The following PRCP variants were observed in gnomAD, a reference collection of about 807,000 sequenced individuals.
PRCP encodes the protein lysosomal Pro-X carboxypeptidase.
In PRCP, 46 loss-of-function variants were observed where a neutral mutation model predicts 54.2. That is an observed-to-expected ratio of 0.85 (90% CI 0.67 to 1.09). The LOEUF (loss-of-function observed/expected upper bound fraction) is 1.09. Ranked by LOEUF, PRCP falls within the 50% of genes least tolerant of loss-of-function variation. The probability of loss-of-function intolerance (pLI) is 0.00; values close to 1 mark genes in which losing one functional copy is unlikely to be tolerated. For missense variants in PRCP, 613 were observed against 596.8 expected, an observed-to-expected ratio of 1.03 and a Z score of -0.28; for synonymous variants, 240 against 212.2, an observed-to-expected ratio of 1.13 and a Z score of -1.14.
intron 2 of PRCP, among the ~76,000 whole-genome samples, chr11:82,854,783 C>G (rs1859041994): frequency 6.6e-6 from 1 of 152,188 alleles, no homozygotes; most frequent in Non-Finnish European, 1.5e-5. Flanking sequence ...TACTGCAAGG[C>G]TACAATAACC....
At chr11:82,851,479 C>T (rs1565223787) in intron 3 of PRCP, among the ~76,000 whole-genome samples, 1 of 149,164 alleles carries the variant, frequency 6.7e-6, no homozygotes, top group Non-Finnish European at 1.5e-5. Flanking sequence ...AGTTTTATCT[C>T]GTATGTGAGT....
chr11:82,887,426 T>G (rs913543469), intron 1 of PRCP, among the ~76,000 whole-genome samples: 1 of 152,258 alleles, frequency 6.6e-6, no homozygotes. Context: ...GCTGTTTTAC[T>G]GTGTAACTGT....
At chr11:82,878,154 G>A (rs1394968967) in intron 1 of PRCP, among the ~76,000 whole-genome samples, 3 of 152,154 alleles carry the variant, frequency 2.0e-5, no homozygotes, top group African/African-American at 7.2e-5. Context: ...ATTTGGAATG[G>A]CTGTATTTAC....
chr11:82,831,043 CAAAAAAAAAAAAAAA>C (rs11356609), intron 8 of PRCP: 2 of 67,220 alleles, frequency 3.0e-5, no homozygotes, highest in African/African-American at 5.1e-5. Context: ...GGAAAATCTA[CAAAAAAAAAAAAAAA>C]AAAAAAAAAA....
intron 1 of PRCP, among the ~76,000 whole-genome samples, chr11:82,896,993 G>A (rs1860132819): frequency 1.3e-5 from 2 of 152,150 alleles, no homozygotes; most frequent in African/African-American, 4.8e-5. Flanking sequence ...TAAAATGTGT[G>A]ATTTGGGACT....
intron 1 of PRCP, among the ~76,000 whole-genome samples, chr11:82,873,088 A>T (rs10792659): frequency 0.24 from 35,311 of 150,104 alleles, 4,665 homozygotes; most frequent in Non-Finnish European, 0.29. Context: ...TTAAAAAAAA[A>T]GAAAGTAAGA....
Position 82,824,084 on chromosome 11 carries a change from C to G in PRCP, c.*822G>C, listed in dbSNP as rs187588567. ...CTTACTGAAATATAATTAGTGACTA[C>G]AGCATAAAGCTTGCTCAGATTTAAA... On this transcript the variant is annotated 3_prime_UTR_variant, in exon 9 of 9. Transcript: ENST00000313010. The G allele has an allele frequency of 1.8e-3, 276 of 152,330 alleles. No homozygotes were observed. The highest frequency in any genetic ancestry group is 6.1e-3 in the African/African-American group (254 of 41,558). 9.4% of individuals were successfully genotyped at this position (152,330 alleles called of 1,614,324 possible).
At chr11:82,873,070 T>G (rs1165485297) in intron 1 of PRCP, among the ~76,000 whole-genome samples, 1 of 150,810 alleles carries the variant, frequency 6.6e-6, no homozygotes, top group East Asian at 1.9e-4. Context: ...TGATCTGTTT[T>G]TTTTTTTTTA....
At chr11:82,832,109 G>A (rs1424683066) in intron 8 of PRCP, among the ~76,000 whole-genome samples, 1 of 152,058 alleles carries the variant, frequency 6.6e-6, no homozygotes, top group African/African-American at 2.4e-5. Flanking sequence ...TCTTTATCTA[G>A]TCAATCATTG....
intron 1 of PRCP, among the ~76,000 whole-genome samples, chr11:82,876,955 C>T (rs933986510): frequency 6.6e-6 from 1 of 152,110 alleles, no homozygotes; most frequent in African/African-American, 2.4e-5. Flanking sequence ...TTGGAACCTC[C>T]TAGAGACTTG....
chr11:82,893,926 G>A (rs1300834652), intron 1 of PRCP, among the ~76,000 whole-genome samples: 2 of 152,096 alleles, frequency 1.3e-5, no homozygotes, highest in African/African-American at 4.8e-5. Context: ...GGTATTTGAA[G>A]CTTTCAATAA....
intron 1 of PRCP, among the ~76,000 whole-genome samples, chr11:82,873,417 T>C (rs1859526122): frequency 6.6e-6 from 1 of 152,180 alleles, no homozygotes; most frequent in Non-Finnish European, 1.5e-5. Flanking sequence ...CCCACTAAAT[T>C]GGCAAAAGAG....
At chr11:82,881,487 A>G (rs1859748721) in intron 1 of PRCP, among the ~76,000 whole-genome samples, 1 of 152,178 alleles carries the variant, frequency 6.6e-6, no homozygotes, top group South Asian at 2.1e-4. Flanking sequence ...TCAGCGGGGA[A>G]GGTTTCTCTG....
At chr11:82,850,566 G>C in intron 3 of PRCP, 61 bp from the exon 4 acceptor site, 7 of 1,284,052 alleles carry the variant, frequency 5.5e-6, no homozygotes, top group Non-Finnish European at 7.2e-6. Context: ...CTTAGGAATA[G>C]CATGGATCCA....
intron 6 of PRCP, among the ~76,000 whole-genome samples, chr11:82,841,929 A>G (rs1253852826): frequency 1.3e-5 from 2 of 152,258 alleles, no homozygotes; most frequent in East Asian, 3.8e-4. Flanking sequence ...CTGAACCTGG[A>G]CATAGATTCA....
intron 2 of PRCP, among the ~76,000 whole-genome samples, chr11:82,853,947 T>C (rs142270183): frequency 5.9e-5 from 9 of 152,224 alleles, no homozygotes; most frequent in African/African-American, 2.2e-4. Context: ...TTCGACAAAA[T>C]TCAACATCCC....
At chr11:82,887,168 G>A (rs1056741817) in intron 1 of PRCP, among the ~76,000 whole-genome samples, 1 of 151,896 alleles carries the variant, frequency 6.6e-6, no homozygotes, top group African/African-American at 2.4e-5. Context: ...CATCTTTCTG[G>A]TCTCTCCTTT....
At chr11:82,842,855 T>G (rs1196017204) in intron 6 of PRCP, among the ~76,000 whole-genome samples, 2 of 152,216 alleles carry the variant, frequency 1.3e-5, no homozygotes, top group African/African-American at 4.8e-5. Context: ...CTCAAAGATT[T>G]TGTGAGTCCA....
chr11:82,889,580 A>G (rs140246240), intron 1 of PRCP, among the ~76,000 whole-genome samples: 15 of 151,948 alleles, frequency 9.9e-5, no homozygotes, highest in African/African-American at 3.6e-4. Context: ...GAAGCAGAAG[A>G]AAAAAAACAG....
Sources: gnomAD v4.1 joint callset for allele counts (sites outside exome capture counted in the v4.1 genomes callset) on GRCh38, gnomAD v4.1.1 for gene constraint, MANE v1.5 for transcripts, NCBI Gene and HGNC (gene_info 2026-07-23, HGNC 2026-07-21) for gene names.